TAB2: variants seen among roughly 807,000 people sequenced by gnomAD.
TAB2 encodes the protein TGF-beta activated kinase 1 (MAP3K7) binding protein 2, also known as TGF-beta-activated kinase 1 and MAP3K7-binding protein 2.
In TAB2, 3 loss-of-function variants were observed where a neutral mutation model predicts 65.0. That is an observed-to-expected ratio of 0.05 (90% CI 0.02 to 0.12). The LOEUF (loss-of-function observed/expected upper bound fraction) is 0.12. TAB2 is among the 10% of genes least tolerant of loss of function. The pLI is 1.00. For synonymous variants in TAB2, 298 were observed against 285.1 expected (o/e 1.05, Z -0.46); for missense variants, 623 against 840.3 (o/e 0.74, Z 3.20).
chr6:149,334,014 TATAAGTCATTTGAC>T (rs1277408204), intron 1 of TAB2, among the ~76,000 whole-genome samples: 2 of 152,180 alleles, frequency 1.3e-5, no homozygotes, highest in Non-Finnish European at 2.9e-5. Context: ...GTTTATGCAT[TATAAGTCATTTGAC>T]CTAGTGCCTA....
At chr6:149,302,621 C>T (rs555948275) in intron 1 of TAB2, among the ~76,000 whole-genome samples, 1 of 152,332 alleles carries the variant, frequency 6.6e-6, no homozygotes, top group East Asian at 1.9e-4. Context: ...GAGGAGTCCA[C>T]GTCTCCCAGC....
intron 1 of TAB2, among the ~76,000 whole-genome samples, chr6:149,223,632 T>C (rs1318152436): frequency 4.6e-5 from 7 of 152,234 alleles, no homozygotes; most frequent in Non-Finnish European, 7.3e-5. Context: ...AAATGCCTGA[T>C]ACAGACTGAT....
chr6:149,354,253 GAGA>G (rs528616169), intron 1 of TAB2, among the ~76,000 whole-genome samples: 194 of 152,256 alleles, frequency 1.3e-3, no homozygotes, highest in African/African-American at 4.6e-3. Context: ...GAAATCGAAA[GAGA>G]AGTAGGTAAA....
intron 1 of TAB2, among the ~76,000 whole-genome samples, chr6:149,309,464 T>C (rs1389911137): frequency 1.3e-5 from 2 of 151,010 alleles, no homozygotes; most frequent in Non-Finnish European, 2.9e-5. Context: ...TGGCACAATC[T>C]CCGCTCACCG....
At chr6:149,253,127 G>T (rs982140304) in intron 1 of TAB2, 3 of 152,252 alleles carry the variant, frequency 2.0e-5, no homozygotes, top group Non-Finnish European at 4.4e-5. Flanking sequence ...TGGCTGGTTC[G>T]TGTAAGTTAA....
At chr6:149,352,431 A>G (rs776823134) in intron 1 of TAB2, among the ~76,000 whole-genome samples, 1 of 152,184 alleles carries the variant, frequency 6.6e-6, no homozygotes, top group African/African-American at 2.4e-5. Context: ...CAAGTTACAT[A>G]CAAGTTTCTA....
chr6:149,349,707 T>TA (rs1279944978), intron 1 of TAB2, among the ~76,000 whole-genome samples: 3 of 152,302 alleles, frequency 2.0e-5, no homozygotes, highest in Non-Finnish European at 2.9e-5. Flanking sequence ...TCAAAACAGA[T>TA]ATAGCAGCAC....
chr6:149,228,634 C>A (rs1777335223), intron 1 of TAB2, among the ~76,000 whole-genome samples: 1 of 152,210 alleles, frequency 6.6e-6, no homozygotes, highest in South Asian at 2.1e-4. Context: ...TGGCTTAGCC[C>A]CCTAACGATT....
At chr6:149,337,853 A>G (rs1583100875) in intron 1 of TAB2, among the ~76,000 whole-genome samples, 1 of 152,122 alleles carries the variant, frequency 6.6e-6, no homozygotes, top group African/African-American at 2.4e-5. Context: ...GATGATAGGG[A>G]TAGGGTGGTA....
rs191990748 is a variant in TAB2, at chr6:149,241,785, C to G, written c.-121+23009C>G. ...GCATTAGAGTCTGATTGAATATATA[C>G]CTAGCCACCGAATCAGACTTAAGGA... is the stretch of plus-strand genomic sequence containing the variant. On this transcript the variant is annotated intron_variant, in intron 1 of 1. Transcript: ENST00000606202. Among the ~76,000 whole-genome samples the G allele has an allele frequency of 3.3e-3, 495 of 152,252 alleles. 4 individuals carry two copies. The highest frequency in any genetic ancestry group is 4.2e-3 in the Non-Finnish European group (287 of 68,020).
At chr6:149,259,955 A>T (rs940855231) in intron 1 of TAB2, among the ~76,000 whole-genome samples, 1 of 152,104 alleles carries the variant, frequency 6.6e-6, no homozygotes, top group African/African-American at 2.4e-5. Flanking sequence ...CTGACCATTT[A>T]AAAAAATACA....
intron 2 of TAB2, among the ~76,000 whole-genome samples, chr6:149,377,539 G>A (rs1338519731): frequency 2.6e-5 from 4 of 152,172 alleles, no homozygotes; most frequent in Non-Finnish European, 1.5e-5. Context: ...TGCTACAAAT[G>A]TAACTTTTTA....
At chr6:149,310,484 T>C (rs1779148917) in intron 1 of TAB2, among the ~76,000 whole-genome samples, 1 of 152,216 alleles carries the variant, frequency 6.6e-6, no homozygotes, top group African/African-American at 2.4e-5. Flanking sequence ...TTACAAATCC[T>C]ATATTTTTCT....
intron 1 of TAB2, among the ~76,000 whole-genome samples, chr6:149,347,805 G>T (rs1780352424): frequency 6.6e-6 from 1 of 151,806 alleles, no homozygotes. Flanking sequence ...AGTGCACCAA[G>T]TATTAGCTAA....
intron 6 of TAB2, chr6:149,400,374 G>T (rs1279815449): frequency 6.2e-7 from 1 of 1,612,142 alleles, no homozygotes; most frequent in South Asian, 1.1e-5. Flanking sequence ...AGCAGCTGAG[G>T]AGACTCCGGT....
At chr6:149,228,967 T>A (rs1239174613) in intron 1 of TAB2, among the ~76,000 whole-genome samples, 1 of 152,162 alleles carries the variant, frequency 6.6e-6, no homozygotes, top group Non-Finnish European at 1.5e-5. Flanking sequence ...GAGGGCACAG[T>A]GACCCCTCAA....
intron 2 of TAB2, among the ~76,000 whole-genome samples, chr6:149,376,771 C>T (rs570708684): frequency 1.1e-3 from 170 of 152,282 alleles, no homozygotes; most frequent in Non-Finnish European, 2.1e-3. Context: ...TTTGATTCTT[C>T]CACAGGCTCA....
chr6:149,225,315 A>G (rs1230486227), intron 1 of TAB2, among the ~76,000 whole-genome samples: 1 of 152,206 alleles, frequency 6.6e-6, no homozygotes, highest in Non-Finnish European at 1.5e-5. Context: ...TCCAATTTGT[A>G]CATCAGATAA....
rs528190406 is a variant in TAB2, at chr6:149,378,815, A to G, written c.900A>G (p.Ser300=). 1 of 1,614,098 alleles carries G rather than the reference A, an allele frequency of 6.2e-7. No homozygotes were observed. The highest frequency in any genetic ancestry group is 8.5e-7 in the Non-Finnish European group (1 of 1,180,026). The change falls in exon 3 of 7, where the codon TCA becomes TCG. Residue 300 remains serine, a synonymous_variant. Transcript: ENST00000637181. ...PTTSQPPTIH[S]SGSSQSSAHS... ...CTTCACAACCACCAACCATTCATTC[A>G]TCTGGTAGCTCACAGTCTTCTGCCC...
Sources: gnomAD v4.1 joint callset for allele counts (sites outside exome capture counted in the v4.1 genomes callset) on GRCh38, gnomAD v4.1.1 for gene constraint, MANE v1.5 for transcripts, NCBI Gene and HGNC (gene_info 2026-07-23, HGNC 2026-07-21) for gene names.